Variants in LGALS8 observed in about 807,000 individuals in gnomAD.
LGALS8 encodes the protein galectin-8.
A neutral mutation model predicts 35.9 loss-of-function variants in LGALS8; 30 were observed. The ratio of observed to expected loss-of-function variants is 0.83; its 90% CI spans 0.62 to 1.13. LGALS8 has a LOEUF of 1.13. Ranked by LOEUF, LGALS8 falls within the 50% of genes most tolerant of loss-of-function variation. The probability of loss-of-function intolerance (pLI) is 0.00; values close to 1 mark genes in which losing one functional copy is unlikely to be tolerated. For missense variants in LGALS8, 366 were observed against 388.7 expected, an observed-to-expected ratio of 0.94 and a Z score of 0.49; for synonymous variants, 138 against 136.1, an observed-to-expected ratio of 1.01 and a Z score of -0.10.
chr1:236,521,327 A>G (rs1356990816), upstream of LGALS8, among the ~76,000 whole-genome samples: 1 of 152,170 alleles, frequency 6.6e-6, no homozygotes, highest in Non-Finnish European at 1.5e-5. Context: ...ATTTGAGTAG[A>G]CTTGAAAAGG....
chr1:236,547,915 T>G (rs1042806226), intron 9 of LGALS8, 97 bp from the exon 10 acceptor site: 1 of 1,072,822 alleles, frequency 9.3e-7, no homozygotes, highest in Non-Finnish European at 1.4e-6. Context: ...CTTTTCTATG[T>G]ATAATCAAAT....
rs115315386 is a variant in LGALS8, at chr1:236,547,994, T to A, written c.805-18T>A. 1 of 1,602,998 alleles carries A rather than the reference T, an allele frequency of 6.2e-7. No homozygotes were observed. Among genetic ancestry groups the A allele is most frequent in the Non-Finnish European group, 8.5e-7 (1 of 1,171,152 alleles). The stretch of plus-strand genomic sequence containing the variant: ...AAACTAAGGGGAACCACTAATGGCA[T>A]GTATCCTTTCCTTTCAGATGATAAT... On this transcript the variant is annotated intron_variant, in intron 9 of 9. Transcript: ENST00000366584.
chr1:236,538,651 G>GT lies in LGALS8; in HGVS notation c.135-227dup, dbSNP rs1661738989. Among the ~76,000 whole-genome samples, 3 of 152,234 alleles carry GT rather than the reference G, an allele frequency of 2.0e-5. 1 individual carries two copies. The South Asian group carries it at 6.2e-4, about 31-fold the overall frequency. On this transcript the variant is annotated intron_variant, in intron 3 of 9. Coordinates refer to ENST00000366584, the MANE Select transcript of LGALS8 (RefSeq NM_201544.4). Reference sequence around the variant, plus strand: ...CTAGCTGCGAGGGAGGCTGGGAAAGGTAGGTTTTTATTCTGGGCAGATTCA... The same window carrying GT: ...CTAGCTGCGAGGGAGGCTGGGAAAGGTTAGGTTTTTATTCTGGGCAGATTCA...
At chr1:236,542,487 A>C (rs1478262842) in intron 6 of LGALS8, 4 of 498,748 alleles carry the variant, frequency 8.0e-6, no homozygotes, top group Non-Finnish European at 1.4e-5. Flanking sequence ...CTCTTAAAAA[A>C]ATTTCATATA....
intron 7 of LGALS8, 192 bp from the exon 8 acceptor site, chr1:236,543,368 A>ATT: frequency 2.9e-6 from 2 of 699,122 alleles, no homozygotes; most frequent in Non-Finnish European, 5.2e-6. Context: ...AAATGTAATC[A>ATT]TGTGTGTTTG....
intron 2 of LGALS8, 152 bp from the exon 3 acceptor site, chr1:236,537,345 A>C: frequency 1.6e-6 from 1 of 631,008 alleles, no homozygotes; most frequent in Non-Finnish European, 2.8e-6. Context: ...TTTGAATAGG[A>C]AAGATGACTT....
rs1382640351 is a variant in LGALS8, at chr1:236,552,810, A to G, written c.*4649A>G. Reference sequence around the variant, plus strand: ...AATTATTAAAAAACCATTTGTAACTACCTAGATTCAATCAGGATTTCCTTG... The same window carrying G: ...AATTATTAAAAAACCATTTGTAACTGCCTAGATTCAATCAGGATTTCCTTG... On this transcript the variant is annotated 3_prime_UTR_variant, in exon 10 of 10. Coordinates refer to ENST00000366584, the MANE Select transcript of LGALS8 (RefSeq NM_201544.4). 6.6e-6 allele frequency: 1 copy of G among 152,208 alleles called. No homozygotes were observed. Among genetic ancestry groups the G allele is most frequent in the Admixed American group, 6.5e-5 (1 of 15,288 alleles). 9.4% of individuals were successfully genotyped at this position (152,208 alleles called of 1,614,324 possible).
intron 4 of LGALS8, 146 bp from the exon 5 acceptor site, chr1:236,540,418 G>T (rs1388621727): frequency 1.2e-6 from 1 of 850,366 alleles, no homozygotes; most frequent in Non-Finnish European, 1.7e-6. Context: ...GGGTGCTTTC[G>T]GTTACCATTT....
At chr1:236,531,186 T>G (rs1661119836) in intron 2 of LGALS8, among the ~76,000 whole-genome samples, 1 of 152,234 alleles carries the variant, frequency 6.6e-6, no homozygotes. Flanking sequence ...TTTGCGATTA[T>G]ATCCGGTGCT....
chr1:236,544,069 C>T (rs1016494508), intron 8 of LGALS8, among the ~76,000 whole-genome samples: 7 of 152,090 alleles, frequency 4.6e-5, no homozygotes, highest in African/African-American at 1.7e-4. Flanking sequence ...ACCTCAGCCT[C>T]TGGAGTAGCT....
rs1662549152 is a variant in LGALS8 at position 236,548,449 on chromosome 1, AC to A, written c.*290del. On this transcript the variant is annotated 3_prime_UTR_variant, in exon 10 of 10. Transcript: ENST00000366584. ...GCCATTCAACAAGTATTTATGGAGTACCTACTATAATACAGTAGCTAACATG... is the reference window on the plus strand; with the variant it reads ...GCCATTCAACAAGTATTTATGGAGTACTACTATAATACAGTAGCTAACATG... 2.4e-6 allele frequency: 1 copy of A among 419,952 alleles called. No homozygotes were observed. Among genetic ancestry groups the A allele is most frequent in the South Asian group, 3.0e-5 (1 of 33,404 alleles). The allele number at this position is 419,952 out of a possible 1,614,324, so 26.0% of individuals were successfully genotyped here.
chr1:236,543,701 G>A (rs367763670), intron 8 of LGALS8, 53 bp downstream of exon 8: 50 of 1,315,148 alleles, frequency 3.8e-5, no homozygotes, highest in Non-Finnish European at 5.1e-5. Context: ...GCCTGTTACC[G>A]CCTTCCACCC....
chr1:236,529,774 G>A (rs575964306), intron 2 of LGALS8, among the ~76,000 whole-genome samples: 25 of 150,800 alleles, frequency 1.7e-4, no homozygotes, highest in African/African-American at 5.6e-4. Flanking sequence ...TCAGCCTCCC[G>A]AGTAGCTGGG....
At chr1:236,520,972 T>C (rs958774400), upstream of LGALS8, among the ~76,000 whole-genome samples, 3 of 152,216 alleles carry the variant, frequency 2.0e-5, no homozygotes, top group Non-Finnish European at 4.4e-5. Flanking sequence ...CAGCTTAAAC[T>C]TTGACTCCTC....
Position 236,526,968 on chromosome 1 carries a change from A to G in LGALS8, c.45+853A>G, listed in dbSNP as rs1660848291. On this transcript the variant is annotated intron_variant, in intron 2 of 9. Coordinates refer to ENST00000366584, the MANE Select transcript of LGALS8 (RefSeq NM_201544.4). The surrounding 1 kb of genome is among the most constrained non-coding windows in gnomAD (Gnocchi z 4.6). ...TGAGGTATCGCTGCTGTATCAAGCA[A>G]AGTCAGTTTTAGGAGAAATAGCCTT... Among the ~76,000 whole-genome samples the G allele has an allele frequency of 6.6e-6, 1 of 152,202 alleles. No homozygotes were observed. Among genetic ancestry groups the G allele is most frequent in the Non-Finnish European group, 1.5e-5 (1 of 68,034 alleles).
rs547989197 is a variant in LGALS8, at chr1:236,548,512, A to C, written c.*351A>C. 8.1e-5 allele frequency: 22 copies of C among 273,064 alleles called. No individual in the cohort carries two copies. Among genetic ancestry groups the C allele is most frequent in the African/African-American group, 2.0e-4 (9 of 45,746 alleles). 16.9% of individuals were successfully genotyped at this position (273,064 alleles called of 1,614,324 possible). ...GATTTTTTTTGGTAAAACTGTGAAG[A>C]GCTAGGATATATACTTGGTGAAACA... On this transcript the variant is annotated 3_prime_UTR_variant, in exon 10 of 10. Coordinates refer to ENST00000366584, the MANE Select transcript of LGALS8 (RefSeq NM_201544.4).
rs1375127003 is a variant in LGALS8, at chr1:236,551,624, T to G, written c.*3463T>G. The stretch of plus-strand genomic sequence containing the variant: ...AAAAGTGGACATCCTACTGCATCCT[T>G]AATGCCACTAGGCATTTCCATACAA... On this transcript the variant is annotated 3_prime_UTR_variant, in exon 10 of 10. Transcript: ENST00000366584. The G allele has an allele frequency of 5.8e-6, 1 of 172,874 alleles. No homozygotes were observed. Among genetic ancestry groups the G allele is most frequent in the Non-Finnish European group, 1.2e-5 (1 of 81,994 alleles). The allele number at this position is 172,874 out of a possible 1,614,324, so 10.7% of individuals were successfully genotyped here.
rs1019737418 is a variant in LGALS8, at chr1:236,552,393, CAATAA to C, written c.*4241_*4245del. On this transcript the variant is annotated 3_prime_UTR_variant, in exon 10 of 10. Coordinates refer to ENST00000366584, the MANE Select transcript of LGALS8 (RefSeq NM_201544.4). ...TATAATCTCTTCCTTTAAAAAAAAC[CAATAA>C]AATAAAATGCCGCATGCAAACTCAA... 76 of 200,352 alleles carry C rather than the reference CAATAA, an allele frequency of 3.8e-4. No individual in the cohort carries two copies. The highest frequency in any genetic ancestry group is 1.7e-3 in the African/African-American group (75 of 43,298). 12.4% of individuals were successfully genotyped at this position (200,352 alleles called of 1,614,324 possible).
intron 7 of LGALS8, 193 bp downstream of exon 7, chr1:236,542,980 T>C (rs1451877394): frequency 6.2e-7 from 1 of 1,614,160 alleles, no homozygotes; most frequent in Non-Finnish European, 8.5e-7. Flanking sequence ...AGAGCAAAGA[T>C]TCGACTGTCA....
Sources: gnomAD v4.1 joint callset for allele counts (sites outside exome capture counted in the v4.1 genomes callset) on GRCh38, gnomAD v4.1.1 for gene constraint, Gnocchi (gnomAD v3.1) non-coding constraint, MANE v1.5 for transcripts, NCBI Gene and HGNC (gene_info 2026-07-23, HGNC 2026-07-21) for gene names.